ILRUN: variants seen among roughly 807,000 people sequenced by gnomAD.
ILRUN encodes protein ILRUN.
In ILRUN, 3 loss-of-function variants were observed where a neutral mutation model predicts 33.8. The observed-to-expected ratio is 0.09, with a 90% CI of 0.04 to 0.23. ILRUN has a LOEUF of 0.23. ILRUN is among the 10% of genes least tolerant of loss of function. ILRUN has a pLI of 1.00. For missense variants in ILRUN, 210 were observed against 375.1 expected (o/e 0.56, Z 3.64); for synonymous variants, 124 against 138.9 (o/e 0.89, Z 0.75).
At chr6:34,683,475 C>CATATATATATACATATATATACACATAT (rs1763436670) in intron 1 of ILRUN, among the ~76,000 whole-genome samples, 1 of 79,894 alleles carries the variant, frequency 1.3e-5, no homozygotes. Flanking sequence ...TATATATACA[C>CATATATATATACATATATATACACATAT]ATATATATAT....
chr6:34,663,138 C>T (rs1481876697), intron 1 of ILRUN, among the ~76,000 whole-genome samples: 2 of 151,980 alleles, frequency 1.3e-5, no homozygotes, highest in East Asian at 3.9e-4. Context: ...CATTTCACCA[C>T]TAAAGGACCA....
chr6:34,681,804 G>C (rs977113740), intron 1 of ILRUN, among the ~76,000 whole-genome samples: 5 of 149,514 alleles, frequency 3.3e-5, no homozygotes, highest in African/African-American at 1.2e-4. Context: ...TTAATCAGAA[G>C]GGATTTTACT....
At chr6:34,696,402 C>A in intron 1 of ILRUN, 44 bp downstream of exon 1, 1 of 1,523,918 alleles carries the variant, frequency 6.6e-7, no homozygotes, top group Non-Finnish European at 8.8e-7. Context: ...CCCCTCGGGG[C>A]CCCCGAGGCC....
chr6:34,693,028 C>G (rs1400485207), intron 1 of ILRUN, among the ~76,000 whole-genome samples: 1 of 152,150 alleles, frequency 6.6e-6, no homozygotes, highest in African/African-American at 2.4e-5. Context: ...TAGTGAGCCA[C>G]AGCTGTGCCA....
intron 3 of ILRUN, among the ~76,000 whole-genome samples, chr6:34,607,511 C>T (rs1258205836): frequency 6.6e-6 from 1 of 152,176 alleles, no homozygotes; most frequent in Non-Finnish European, 1.5e-5. Flanking sequence ...TTTGGCATGC[C>T]TCAGACTTTC....
Position 34,590,437 on chromosome 6 carries a change from C to A in ILRUN, c.*128G>T. The A allele has an allele frequency of 1.5e-6, 2 of 1,350,674 alleles. No individual in the cohort carries two copies. Among genetic ancestry groups the A allele is most frequent in the South Asian group, 2.6e-5 (2 of 76,312 alleles). 83.7% of individuals were successfully genotyped at this position (1,350,674 alleles called of 1,614,324 possible). ...TCTGTTCTGCTTCTTCCTCTTCTTC[C>A]GGGATGAGAGGGGGTCAGAGCCAGG... On this transcript the variant is annotated 3_prime_UTR_variant, in exon 5 of 5. Coordinates refer to ENST00000374023, the MANE Select transcript of ILRUN (RefSeq NM_024294.4).
chr6:34,695,710 A>T (rs3800458), intron 1 of ILRUN, among the ~76,000 whole-genome samples: 71,507 of 150,292 alleles, frequency 0.48, 20,649 homozygotes, highest in Non-Finnish European at 0.63. Context: ...AGATCATCTC[A>T]TTTCCCCCAC....
At chr6:34,599,685 C>T (rs1761469366) in intron 4 of ILRUN, among the ~76,000 whole-genome samples, 1 of 152,184 alleles carries the variant, frequency 6.6e-6, no homozygotes. Flanking sequence ...TGTGACATAA[C>T]TCTCAAATTT....
chr6:34,648,355 C>G (rs1156848444), intron 2 of ILRUN, among the ~76,000 whole-genome samples: 1 of 152,150 alleles, frequency 6.6e-6, no homozygotes, highest in African/African-American at 2.4e-5. Context: ...TGATGGCTCA[C>G]TACTGGAAAG....
At chr6:34,654,125 T>C (rs1159457702) in intron 2 of ILRUN, among the ~76,000 whole-genome samples, 2 of 148,422 alleles carry the variant, frequency 1.3e-5, no homozygotes, top group African/African-American at 2.5e-5. Flanking sequence ...ATGTCTCAGA[T>C]ATCCTAATGA....
intron 1 of ILRUN, among the ~76,000 whole-genome samples, chr6:34,674,051 G>A (rs1763176056): frequency 6.6e-6 from 1 of 151,544 alleles, no homozygotes; most frequent in South Asian, 2.1e-4. Flanking sequence ...TTTTTGAAAC[G>A]GAGTCTTGCT....
chr6:34,598,416 C>A (rs1255953879), intron 4 of ILRUN, among the ~76,000 whole-genome samples: 1 of 152,196 alleles, frequency 6.6e-6, no homozygotes, highest in Non-Finnish European at 1.5e-5. Context: ...ATACCAGGAG[C>A]CATTCTTACA....
intron 1 of ILRUN, among the ~76,000 whole-genome samples, chr6:34,668,100 A>G (rs1763042004): frequency 6.6e-6 from 1 of 152,200 alleles, no homozygotes; most frequent in Admixed American, 6.5e-5. Context: ...CAATCCTTGC[A>G]AGTTATCTCA....
At chr6:34,596,842 T>C (rs1761409659) in intron 4 of ILRUN, among the ~76,000 whole-genome samples, 1 of 152,204 alleles carries the variant, frequency 6.6e-6, no homozygotes, top group Non-Finnish European at 1.5e-5. Context: ...TAAAAACAAC[T>C]TGTTGTATCT....
chr6:34,618,872 T>C (rs758051175), intron 3 of ILRUN, among the ~76,000 whole-genome samples: 2 of 152,102 alleles, frequency 1.3e-5, no homozygotes, highest in African/African-American at 4.8e-5. Flanking sequence ...TCAGAAAAGA[T>C]AGAGAAGGAA....
At chr6:34,669,546 T>A (rs185034794) in intron 1 of ILRUN, among the ~76,000 whole-genome samples, 3 of 152,176 alleles carry the variant, frequency 2.0e-5, no homozygotes, top group Non-Finnish European at 4.4e-5. Flanking sequence ...AACTTGTACA[T>A]TGGTCTCCAG....
Position 34,633,083 on chromosome 6 carries a change from G to A in ILRUN, c.511+13518C>T, listed in dbSNP as rs185071487. Among the ~76,000 whole-genome samples, 43 of 152,254 alleles carry A rather than the reference G, an allele frequency of 2.8e-4. No individual in the cohort carries two copies. The East Asian group carries it at 7.7e-3, about 27-fold the overall frequency. ...ATAAAATGATACATGCAGGTTGAAA[G>A]CTAAAAGATAAAGACCTTGTAAACA... On this transcript the variant is annotated intron_variant, in intron 3 of 4. Coordinates refer to ENST00000374023, the MANE Select transcript of ILRUN (RefSeq NM_024294.4).
Position 34,646,855 on chromosome 6 carries a change from A to G in ILRUN, c.314-57T>C, listed in dbSNP as rs1762572277. Reference sequence around the variant, plus strand: ...CAATCAATGGTCCTATGCTGGGTGCAGTTTATTATGAAACTGTAGAAGAGG... The same window carrying G: ...CAATCAATGGTCCTATGCTGGGTGCGGTTTATTATGAAACTGTAGAAGAGG... On this transcript the variant is annotated intron_variant, in intron 2 of 4. Coordinates refer to ENST00000374023, the MANE Select transcript of ILRUN (RefSeq NM_024294.4). The surrounding 1 kb of genome is among the most constrained non-coding windows in gnomAD (Gnocchi z 4.9). 2.6e-6 allele frequency: 4 copies of G among 1,528,098 alleles called. No individual in the cohort carries two copies. Among genetic ancestry groups the G allele is most frequent in the East Asian group, 4.5e-5 (2 of 44,498 alleles). The allele number at this position is 1,528,098 out of a possible 1,614,324, so 94.7% of individuals were successfully genotyped here. A position where few individuals can be genotyped will look rare whatever the true frequency, so the allele number is the denominator to read the frequency against.
chr6:34,615,058 C>G (rs1048871671), intron 3 of ILRUN, among the ~76,000 whole-genome samples: 4 of 152,044 alleles, frequency 2.6e-5, no homozygotes, highest in African/African-American at 9.7e-5. Context: ...GGAATAGAAA[C>G]AGGTCATTAG....
Sources: allele counts gnomAD v4.1 joint callset (sites outside exome capture counted in the v4.1 genomes callset), GRCh38; gene constraint gnomAD v4.1.1; non-coding constraint Gnocchi (gnomAD v3.1); transcripts MANE v1.5; gene names NCBI Gene and HGNC (gene_info 2026-07-23, HGNC 2026-07-21).